The following SEMA6D variants were observed in gnomAD, a reference collection of about 807,000 sequenced individuals.
SEMA6D encodes semaphorin-6D.
Under a neutral mutation model 106.6 loss-of-function variants are expected in SEMA6D, and 35 were observed. That is an observed-to-expected ratio of 0.33 (90% CI 0.25 to 0.44). The LOEUF is 0.44. SEMA6D is among the 20% of genes least tolerant of loss of function. The probability of loss-of-function intolerance (pLI) is 1.00; values close to 1 mark genes in which losing one functional copy is unlikely to be tolerated. For synonymous variants in SEMA6D, 499 were observed against 487.7 expected (o/e 1.02, Z -0.31); for missense variants, 1,185 against 1,345.9 (o/e 0.88, Z 1.87).
intron 4 of SEMA6D, among the ~76,000 whole-genome samples, chr15:47,613,680 C>G (rs897642330): frequency 3.9e-5 from 6 of 151,996 alleles, no homozygotes; most frequent in Non-Finnish European, 8.8e-5. Context: ...GAGTCTCACT[C>G]TGTCACCCAG....
At chr15:47,428,233 T>A (rs889671850) in intron 2 of SEMA6D, among the ~76,000 whole-genome samples, 1 of 152,136 alleles carries the variant, frequency 6.6e-6, no homozygotes, top group African/African-American at 2.4e-5. Flanking sequence ...GCACATATTA[T>A]ATACCCAGCA....
At chr15:47,508,231 A>G (rs1187477385) in intron 3 of SEMA6D, among the ~76,000 whole-genome samples, 1 of 152,228 alleles carries the variant, frequency 6.6e-6, no homozygotes, top group Non-Finnish European at 1.5e-5. Flanking sequence ...TTAGCATTCC[A>G]TGGGAGAATT....
At chr15:47,685,464 A>C (rs2078448207) in intron 4 of SEMA6D, among the ~76,000 whole-genome samples, 1 of 152,190 alleles carries the variant, frequency 6.6e-6, no homozygotes, top group Admixed American at 6.5e-5. Context: ...TTCAAAGGCC[A>C]TGTGGAGACT....
At chr15:47,194,949 T>C (rs1466324214) in intron 1 of SEMA6D, among the ~76,000 whole-genome samples, 6 of 152,344 alleles carry the variant, frequency 3.9e-5, no homozygotes, top group Non-Finnish European at 8.8e-5. Flanking sequence ...TAGTGCATTC[T>C]ATAGGGATCA....
At chr15:47,379,229 G>A (rs958901496) in intron 1 of SEMA6D, among the ~76,000 whole-genome samples, 1 of 152,172 alleles carries the variant, frequency 6.6e-6, no homozygotes, top group Non-Finnish European at 1.5e-5. Flanking sequence ...GAAATAATGT[G>A]CTTGAGGGAG....
At position 47,659,183 on chromosome 15, in the gene SEMA6D, G is replaced by A. The variant is rs1055974374; in HGVS notation, c.-55+58287G>A. 7.2e-5 allele frequency among the ~76,000 whole-genome samples: 11 copies of A among 151,922 alleles called. No homozygotes were observed. In the East Asian group the frequency reaches 2.1e-3, roughly 29 times the overall value. On this transcript the variant is annotated intron_variant, in intron 4 of 19. Coordinates refer to the SEMA6D transcript ENST00000558014. ...CATTTCCAAAATATACAAATAATGT[G>A]ATATATCACTCAGTTAGTATAAAAA...
chr15:47,632,113 GT>G (rs143624330), intron 4 of SEMA6D, among the ~76,000 whole-genome samples: 1,933 of 151,738 alleles, frequency 0.013, 43 homozygotes, highest in African/African-American at 0.044. Context: ...TCTGTTTTTT[GT>G]TTTTTAGATT....
chr15:47,725,735 A>G (rs933771264), intron 1 of SEMA6D, among the ~76,000 whole-genome samples: 5 of 152,260 alleles, frequency 3.3e-5, no homozygotes, highest in African/African-American at 9.6e-5. Flanking sequence ...TCTGTGTAGT[A>G]TAAGTATGCT....
At chr15:47,489,129 T>C (rs548354609) in intron 3 of SEMA6D, among the ~76,000 whole-genome samples, 13 of 152,130 alleles carry the variant, frequency 8.5e-5, no homozygotes, top group Non-Finnish European at 1.8e-4. Context: ...TCCTTATAAA[T>C]AGAGGAGACA....
chr15:47,411,782 C>G (rs1383890487), intron 1 of SEMA6D, among the ~76,000 whole-genome samples: 5 of 152,106 alleles, frequency 3.3e-5, no homozygotes, highest in Non-Finnish European at 5.9e-5. Context: ...GTGGCCACTT[C>G]CGGGTTCAGA....
At chr15:47,584,375 A>G (rs370104963) in intron 3 of SEMA6D, among the ~76,000 whole-genome samples, 1 of 151,792 alleles carries the variant, frequency 6.6e-6, no homozygotes, top group Non-Finnish European at 1.5e-5. Flanking sequence ...GTGAGCCGAG[A>G]TTGTGCCATT....
At chr15:47,765,725 C>A in intron 13 of SEMA6D, 144 bp from the exon 14 acceptor site, 1 of 744,852 alleles carries the variant, frequency 1.3e-6, no homozygotes, top group Non-Finnish European at 1.9e-6. Context: ...AGATGAATCA[C>A]ATAATTATTA....
intron 1 of SEMA6D, among the ~76,000 whole-genome samples, chr15:47,737,070 A>C (rs1228982575): frequency 6.6e-6 from 1 of 152,172 alleles, no homozygotes; most frequent in Non-Finnish European, 1.5e-5. Flanking sequence ...AGGAAAAAGT[A>C]GGAGGTAGGA....
chr15:47,389,897 T>A (rs369211510), intron 1 of SEMA6D, among the ~76,000 whole-genome samples: 1 of 152,202 alleles, frequency 6.6e-6, no homozygotes, highest in Non-Finnish European at 1.5e-5. Context: ...ATTCCAACTA[T>A]TTTCTCCTAA....
chr15:47,464,749 T>C (rs2042610217), intron 2 of SEMA6D, among the ~76,000 whole-genome samples: 1 of 152,108 alleles, frequency 6.6e-6, no homozygotes, highest in South Asian at 2.1e-4. Context: ...ACCTTTTAAT[T>C]TAAATACCTC....
chr15:47,411,515 T>C (rs950779216), intron 1 of SEMA6D, among the ~76,000 whole-genome samples: 1 of 152,218 alleles, frequency 6.6e-6, no homozygotes, highest in Non-Finnish European at 1.5e-5. Flanking sequence ...ATAAAACTTA[T>C]ATCTCCTCTT....
intron 3 of SEMA6D, among the ~76,000 whole-genome samples, chr15:47,522,093 A>G (rs1174942492): frequency 1.3e-5 from 2 of 152,116 alleles, no homozygotes; most frequent in Non-Finnish European, 1.5e-5. Context: ...GCTCCAAACC[A>G]CAGGTAAATA....
intron 1 of SEMA6D, among the ~76,000 whole-genome samples, chr15:47,376,462 T>C (rs1448360889): frequency 1.3e-5 from 2 of 152,250 alleles, no homozygotes; most frequent in Non-Finnish European, 2.9e-5. Context: ...GTTGGCTCCA[T>C]CATAATGTCC....
chr15:47,481,771 A>G (rs1596112456), intron 3 of SEMA6D, among the ~76,000 whole-genome samples: 2 of 152,312 alleles, frequency 1.3e-5, no homozygotes, highest in South Asian at 4.1e-4. Flanking sequence ...GGGGAGGAGC[A>G]TAAATGCATG....
Sources: gnomAD v4.1 joint callset for allele counts (sites outside exome capture counted in the v4.1 genomes callset) on GRCh38, gnomAD v4.1.1 for gene constraint, MANE v1.5 for transcripts, NCBI Gene and HGNC (gene_info 2026-07-23, HGNC 2026-07-21) for gene names.